The following ITGB3 variants were observed in gnomAD, a reference collection of about 807,000 sequenced individuals.
The protein encoded by ITGB3 is integrin beta-3.
A neutral mutation model predicts 85.8 loss-of-function variants in ITGB3; 48 were observed. The ratio of observed to expected loss-of-function variants is 0.56; its 90% confidence interval spans 0.44 to 0.71. The LOEUF is 0.71. Among genes scored for constraint, ITGB3 ranks in the 30% least tolerant of loss-of-function variants. The probability of loss-of-function intolerance (pLI) is 0.00; values close to 1 mark genes in which losing one functional copy is unlikely to be tolerated. For synonymous variants in ITGB3, 363 were observed against 395.6 expected (o/e 0.92, Z 0.98); for missense variants, 861 against 1,019.1 (o/e 0.84, Z 2.11).
intron 1 of ITGB3, among the ~76,000 whole-genome samples, chr17:47,268,010 G>A (rs938325430): frequency 3.9e-5 from 6 of 152,160 alleles, no homozygotes; most frequent in Non-Finnish European, 5.9e-5. Flanking sequence ...AAGCAAACAC[G>A]TCCTTCTTCA....
At chr17:47,303,565 AG>A in intron 13 of ITGB3, 1 of 152,732 alleles carries the variant, frequency 6.5e-6, no homozygotes, top group Non-Finnish European at 1.5e-5. Context: ...CTTCAGAGGA[AG>A]GCCTGATGGT....
At chr17:47,275,654 G>C (rs1422518099) in intron 2 of ITGB3, among the ~76,000 whole-genome samples, 1 of 152,210 alleles carries the variant, frequency 6.6e-6, no homozygotes, top group Non-Finnish European at 1.5e-5. Context: ...CTGGCCGCCT[G>C]GGGGGAGGGG....
intron 14 of ITGB3, 145 bp from the exon 15 acceptor site, chr17:47,309,994 A>T: frequency 4.1e-6 from 3 of 730,492 alleles, no homozygotes; most frequent in Non-Finnish European, 4.9e-6. Context: ...CTAAAGTGTG[A>T]GCAAAATGAA....
intron 10 of ITGB3, among the ~76,000 whole-genome samples, 162 bp downstream of exon 10, chr17:47,292,730 G>GT (rs1567767070): frequency 1.3e-5 from 2 of 151,654 alleles, no homozygotes; most frequent in East Asian, 1.9e-4. Flanking sequence ...CCCTTTTCAC[G>GT]TTAAAAAAAA....
intron 1 of ITGB3, 61 bp from the exon 2 acceptor site, chr17:47,274,358 G>A: frequency 6.2e-6 from 9 of 1,450,114 alleles, no homozygotes; most frequent in Non-Finnish European, 8.6e-6. Flanking sequence ...GGAAGGATGA[G>A]GCAGGCAAGT....
chr17:47,263,520 C>A (rs1249431652), intron 1 of ITGB3, among the ~76,000 whole-genome samples: 4 of 129,530 alleles, frequency 3.1e-5, no homozygotes, highest in African/African-American at 8.6e-5. Flanking sequence ...GGCAGAGTCT[C>A]ACTCCATCAC....
intron 1 of ITGB3, among the ~76,000 whole-genome samples, chr17:47,266,356 A>G (rs1179265830): frequency 6.6e-6 from 1 of 152,192 alleles, no homozygotes; most frequent in African/African-American, 2.4e-5. Flanking sequence ...ACAGTCCAGC[A>G]TCCTGTCTCA....
chr17:47,270,146 G>A (rs1286827386), intron 1 of ITGB3, among the ~76,000 whole-genome samples: 3 of 152,204 alleles, frequency 2.0e-5, no homozygotes, highest in Non-Finnish European at 4.4e-5. Context: ...CTCATGACCT[G>A]TGGGGATTAT....
chr17:47,272,613 A>G (rs1293332019), intron 1 of ITGB3, among the ~76,000 whole-genome samples: 1 of 152,174 alleles, frequency 6.6e-6, no homozygotes, highest in Non-Finnish European at 1.5e-5. Flanking sequence ...ATTCTGCATT[A>G]CATTGAAAGG....
chr17:47,297,350 A>G (rs2074413122), intron 10 of ITGB3, among the ~76,000 whole-genome samples: 1 of 152,164 alleles, frequency 6.6e-6, no homozygotes, highest in Non-Finnish European at 1.5e-5. Flanking sequence ...AAAGGATAAC[A>G]TACTAAAGAA....
At chr17:47,290,726 C>T (rs112222601) in intron 8 of ITGB3, among the ~76,000 whole-genome samples, 1 of 152,100 alleles carries the variant, frequency 6.6e-6, no homozygotes, top group African/African-American at 2.4e-5. Context: ...ACATTTTACC[C>T]AGACTCACCT....
At chr17:47,276,874 A>G (rs2143074568) in intron 2 of ITGB3, among the ~76,000 whole-genome samples, 1 of 152,214 alleles carries the variant, frequency 6.6e-6, no homozygotes, top group East Asian at 1.9e-4. Flanking sequence ...TTTTTAGGTA[A>G]TTTTTTGAAT....
chr17:47,308,274 T>C (rs11655943), intron 14 of ITGB3, among the ~76,000 whole-genome samples: 69,032 of 151,538 alleles, frequency 0.46, 16,108 homozygotes, highest in African/African-American at 0.48. Flanking sequence ...CTGAGAACTT[T>C]CTATATACTT....
intron 1 of ITGB3, among the ~76,000 whole-genome samples, chr17:47,268,969 C>T (rs1016143510): frequency 1.3e-5 from 2 of 152,248 alleles, no homozygotes; most frequent in Admixed American, 6.5e-5. Context: ...GGTTCCCAAA[C>T]GTCAGTTCTT....
intron 5 of ITGB3, 82 bp from the exon 6 acceptor site, chr17:47,286,988 C>T (rs1169941559): frequency 2.1e-6 from 3 of 1,461,836 alleles, no homozygotes; most frequent in Non-Finnish European, 9.5e-7. Context: ...CCAGGGAGCA[C>T]CTTGGGTCTC....
At chr17:47,308,521 T>C (rs2065198976) in intron 14 of ITGB3, among the ~76,000 whole-genome samples, 1 of 152,176 alleles carries the variant, frequency 6.6e-6, no homozygotes, top group Non-Finnish European at 1.5e-5. Context: ...TTCTCTTTTT[T>C]TTTGGAGACA....
intron 13 of ITGB3, among the ~76,000 whole-genome samples, chr17:47,303,992 C>T (rs2065177248): frequency 6.6e-6 from 1 of 151,996 alleles, no homozygotes. Flanking sequence ...CTTCGGCTCA[C>T]ACAATCCTCC....
intron 10 of ITGB3, among the ~76,000 whole-genome samples, chr17:47,294,181 T>C (rs1302504680): frequency 6.6e-6 from 1 of 152,108 alleles, no homozygotes; most frequent in African/African-American, 2.4e-5. Flanking sequence ...ACAGCAACCA[T>C]TTGAATTAGG....
In ITGB3 at chr17:47,253,911, TG is replaced by T. The variant is rs1302506624; in HGVS notation, c.55del (p.Ala19ArgfsTer7). 8 of 1,406,736 alleles carry T rather than the reference TG, an allele frequency of 5.7e-6. No homozygotes were observed. The highest frequency in any genetic ancestry group is 2.5e-5 in the Admixed American group (1 of 39,388). The allele number at this position is 1,406,736 out of a possible 1,614,324, so 87.1% of individuals were successfully genotyped here. ...PRPLWATVLALGALAGVGVGG... is the reference protein window; with the variant it reads ...PRPLWATVLAXGALAGVGVGG... ...CCGCTCTGGGCGACTGTGCTGGCGC[TG>T]GGGGCGCTGGCGGGCGTTGGCGTAG... On this transcript the variant is annotated frameshift_variant, in exon 1 of 15. Coordinates refer to ENST00000559488, the MANE Select transcript of ITGB3 (RefSeq NM_000212.3). LOFTEE classifies it high-confidence loss of function.
Sources: allele counts gnomAD v4.1 joint callset (sites outside exome capture counted in the v4.1 genomes callset), GRCh38; gene constraint gnomAD v4.1.1; transcripts MANE v1.5; gene names NCBI Gene and HGNC (gene_info 2026-07-23, HGNC 2026-07-21).